The following LDLRAD3 variants were observed in gnomAD, a reference collection of about 807,000 sequenced individuals.
LDLRAD3 encodes the protein low density lipoprotein receptor class A domain containing 3, also known as low-density lipoprotein receptor class A domain-containing protein 3.
Under a neutral mutation model 29.4 loss-of-function variants are expected in LDLRAD3, and 20 were observed. That is an observed-to-expected ratio of 0.68 (90% CI 0.48 to 0.99). The LOEUF is 0.99. LDLRAD3 is among the 50% of genes least tolerant of loss of function. LDLRAD3 has a pLI of 0.00. For synonymous variants in LDLRAD3, 157 were observed against 192.7 expected (o/e 0.81, Z 1.53); for missense variants, 420 against 454.3 (o/e 0.92, Z 0.69).
Position 35,944,278 on chromosome 11 carries a change from C to T in LDLRAD3, c.46+134C>T, listed in dbSNP as rs1735571182. ...GGCGTGGGTGAGCGCGGAGGGCGGA[C>T]CCCGGCGCCGGGCTGGCCCGGACCC... is the stretch of plus-strand genomic sequence containing the variant. On this transcript the variant is annotated intron_variant, in intron 1 of 5. Coordinates refer to ENST00000315571, the MANE Select transcript of LDLRAD3 (RefSeq NM_174902.4). This position sits in a 1 kb window ranked among gnomAD's most constrained non-coding sequence, Gnocchi z 4.9. The T allele has an allele frequency of 4.4e-6, 2 of 449,580 alleles. No homozygotes were observed. Among genetic ancestry groups the T allele is most frequent in the Non-Finnish European group, 5.9e-6 (2 of 339,750 alleles). The allele number at this position is 449,580 out of a possible 1,614,324, so 27.8% of individuals were successfully genotyped here.
intron 1 of LDLRAD3, among the ~76,000 whole-genome samples, chr11:35,994,447 A>G (rs1851727756): frequency 6.6e-6 from 1 of 151,772 alleles, no homozygotes; most frequent in African/African-American, 2.4e-5. Context: ...AATTAAAAAT[A>G]CTTTATTGCT....
chr11:36,208,195 C>T lies in LDLRAD3; in HGVS notation c.455-18890C>T, dbSNP rs190730108. Among the ~76,000 whole-genome samples the T allele has an allele frequency of 3.9e-5, 6 of 152,266 alleles. No homozygotes were observed. In the East Asian group the frequency reaches 1.2e-3, roughly 29 times the overall value. ...GCATTGAAAGGATGCGGGAGCCAAC[C>T]TGAAAGTGTTCCCCGTGGCCAAAGG... On this transcript the variant is annotated intron_variant, in intron 4 of 5. Transcript: ENST00000315571.
At chr11:36,146,219 C>G (rs1854192021) in intron 4 of LDLRAD3, among the ~76,000 whole-genome samples, 1 of 152,196 alleles carries the variant, frequency 6.6e-6, no homozygotes, top group African/African-American at 2.4e-5. Flanking sequence ...TAATGTCACC[C>G]TGTGCACTTA....
chr11:35,993,933 G>T (rs906341364), intron 1 of LDLRAD3, among the ~76,000 whole-genome samples: 2 of 152,124 alleles, frequency 1.3e-5, no homozygotes, highest in Non-Finnish European at 2.9e-5. Flanking sequence ...CTCCAGGAAG[G>T]ACGTTTTCCC....
chr11:35,971,453 C>T (rs1247266980), intron 1 of LDLRAD3, among the ~76,000 whole-genome samples: 1 of 152,098 alleles, frequency 6.6e-6, no homozygotes, highest in Non-Finnish European at 1.5e-5. Flanking sequence ...AGGCTGTAGC[C>T]CAGTTTGACC....
At chr11:36,077,921 G>A (rs566826890) in intron 2 of LDLRAD3, among the ~76,000 whole-genome samples, 4 of 152,226 alleles carry the variant, frequency 2.6e-5, no homozygotes, top group East Asian at 1.9e-4. Flanking sequence ...TCCTGCATCC[G>A]GGAAGAATGA....
intron 2 of LDLRAD3, among the ~76,000 whole-genome samples, chr11:36,046,903 A>G (rs1308721032): frequency 3.3e-5 from 5 of 152,304 alleles, no homozygotes; most frequent in Non-Finnish European, 5.9e-5. Flanking sequence ...AAATAAATAT[A>G]TATATTTTAA....
chr11:36,128,895 G>A (rs919785853), intron 4 of LDLRAD3, among the ~76,000 whole-genome samples: 20 of 151,928 alleles, frequency 1.3e-4, no homozygotes, highest in African/African-American at 4.1e-4. Context: ...CCCTAGCATC[G>A]GTGGAACAGT....
At chr11:36,055,351 C>T (rs1474810064) in intron 2 of LDLRAD3, among the ~76,000 whole-genome samples, 1 of 151,798 alleles carries the variant, frequency 6.6e-6, no homozygotes, top group Non-Finnish European at 1.5e-5. Flanking sequence ...GTTATCCCTC[C>T]CTCTCTTTCT....
intron 1 of LDLRAD3, among the ~76,000 whole-genome samples, chr11:35,982,392 C>T (rs900555593): frequency 2.7e-5 from 4 of 150,000 alleles, no homozygotes; most frequent in African/African-American, 7.6e-5. Context: ...TTTATGAGGA[C>T]GCCAGTCATG....
chr11:36,050,387 T>G lies in LDLRAD3; in HGVS notation c.193+14138T>G, dbSNP rs146806333. ...TGATGCTCAGACCACATATTCAGATTGTTGTTGGTCCCCAGGCAGCAGGGC... is the reference window on the plus strand; with the variant it reads ...TGATGCTCAGACCACATATTCAGATGGTTGTTGGTCCCCAGGCAGCAGGGC... On this transcript the variant is annotated intron_variant, in intron 2 of 5. Transcript: ENST00000315571. Among the ~76,000 whole-genome samples, 193 of 152,270 alleles carry G rather than the reference T, an allele frequency of 1.3e-3. 1 individual carries two copies. The highest frequency in any genetic ancestry group is 2.2e-3 in the Non-Finnish European group (149 of 68,018).
At chr11:36,067,926 C>T (rs527632615) in intron 2 of LDLRAD3, among the ~76,000 whole-genome samples, 1 of 152,306 alleles carries the variant, frequency 6.6e-6, no homozygotes, top group East Asian at 1.9e-4. Context: ...GTCTTGGCCT[C>T]CCAAAGTGCT....
At chr11:36,015,891 T>C (rs759372713) in intron 1 of LDLRAD3, among the ~76,000 whole-genome samples, 5 of 152,204 alleles carry the variant, frequency 3.3e-5, no homozygotes, top group Admixed American at 6.5e-5. Context: ...TCCAGCACTC[T>C]TGTTCCAGGC....
chr11:36,178,436 C>T (rs747743771), intron 4 of LDLRAD3, among the ~76,000 whole-genome samples: 1 of 152,168 alleles, frequency 6.6e-6, no homozygotes, highest in Admixed American at 6.5e-5. Flanking sequence ...CTCATTCCGT[C>T]GTACGCCAAA....
chr11:36,167,394 T>TATTA (rs1854530185), intron 4 of LDLRAD3, among the ~76,000 whole-genome samples: 1 of 152,166 alleles, frequency 6.6e-6, no homozygotes, highest in African/African-American at 2.4e-5. Context: ...CCTAGCTAAG[T>TATTA]TGACACATAA....
chr11:36,120,138 C>G (rs188612763), intron 4 of LDLRAD3, among the ~76,000 whole-genome samples: 1 of 152,300 alleles, frequency 6.6e-6, no homozygotes, highest in African/African-American at 2.4e-5. Flanking sequence ...AATAAATACA[C>G]TGCATAGACT....
At chr11:36,160,316 T>A (rs1316440477) in intron 4 of LDLRAD3, among the ~76,000 whole-genome samples, 1 of 151,962 alleles carries the variant, frequency 6.6e-6, no homozygotes, top group Admixed American at 6.5e-5. Context: ...TGGGGGAAAA[T>A]CACGCTCACA....
chr11:36,011,583 T>C (rs958650284), intron 1 of LDLRAD3, among the ~76,000 whole-genome samples: 9 of 134,660 alleles, frequency 6.7e-5, no homozygotes, highest in Non-Finnish European at 3.3e-5. Context: ...AATACTGATA[T>C]TATAACCTTT....
intron 4 of LDLRAD3, among the ~76,000 whole-genome samples, chr11:36,175,674 C>T (rs183769897): frequency 1.3e-5 from 2 of 152,200 alleles, no homozygotes; most frequent in Non-Finnish European, 2.9e-5. Context: ...CTGAGAGAAT[C>T]CTTGATATAA....
Sources: gnomAD v4.1 joint callset for allele counts (sites outside exome capture counted in the v4.1 genomes callset) on GRCh38, gnomAD v4.1.1 for gene constraint, Gnocchi (gnomAD v3.1) non-coding constraint, MANE v1.5 for transcripts, NCBI Gene and HGNC (gene_info 2026-07-23, HGNC 2026-07-21) for gene names.